CAMK1D: variants seen among roughly 807,000 people sequenced by gnomAD.
CAMK1D encodes the protein calcium/calmodulin dependent protein kinase ID, also known as calcium/calmodulin-dependent protein kinase type 1D.
Under a neutral mutation model 47.7 loss-of-function variants are expected in CAMK1D, and 9 were observed. That is an observed-to-expected ratio of 0.19 (90% CI 0.11 to 0.33). CAMK1D has a LOEUF of 0.33. CAMK1D is among the 10% of genes least tolerant of loss of function. CAMK1D has a pLI of 1.00. For missense variants in CAMK1D, 291 were observed against 488.7 expected, an observed-to-expected ratio of 0.60 and a Z score of 3.81; for synonymous variants, 184 against 184.9, an observed-to-expected ratio of 0.99 and a Z score of 0.04.
intron 2 of CAMK1D, among the ~76,000 whole-genome samples, chr10:12,553,622 C>T (rs1391469626): frequency 6.6e-6 from 1 of 152,226 alleles, no homozygotes; most frequent in African/African-American, 2.4e-5. Context: ...CCCTGCCACT[C>T]ACCATATCCG....
intron 6 of CAMK1D, among the ~76,000 whole-genome samples, chr10:12,791,460 C>T (rs1370194034): frequency 6.6e-6 from 1 of 152,122 alleles, no homozygotes; most frequent in African/African-American, 2.4e-5. Context: ...GAAACTCTAC[C>T]CCTTACATAA....
intron 7 of CAMK1D, 57 bp downstream of exon 7, chr10:12,814,364 C>A: frequency 9.0e-7 from 1 of 1,106,148 alleles, no homozygotes; most frequent in Non-Finnish European, 1.4e-6. Context: ...TACACCCAGA[C>A]CACGTGACCC....
At chr10:12,576,022 A>C (rs1418886648) in intron 2 of CAMK1D, among the ~76,000 whole-genome samples, 1 of 152,246 alleles carries the variant, frequency 6.6e-6, no homozygotes, top group East Asian at 1.9e-4. Context: ...GTAACAATAC[A>C]AATACAAATG....
At chr10:12,773,074 G>A (rs560414561) in intron 5 of CAMK1D, among the ~76,000 whole-genome samples, 4 of 152,250 alleles carry the variant, frequency 2.6e-5, no homozygotes, top group African/African-American at 7.2e-5. Context: ...TTTCTATGAC[G>A]CTTTCCTTGT....
intron 1 of CAMK1D, among the ~76,000 whole-genome samples, chr10:12,406,381 T>C (rs1839424631): frequency 6.6e-6 from 1 of 152,138 alleles, no homozygotes; most frequent in Non-Finnish European, 1.5e-5. Context: ...TACTAGTTAA[T>C]ATCTGGCAAA....
chr10:12,409,938 A>G (rs1564321938), intron 1 of CAMK1D, among the ~76,000 whole-genome samples: 1 of 152,182 alleles, frequency 6.6e-6, no homozygotes, highest in Non-Finnish European at 1.5e-5. Context: ...TACCTCAGAA[A>G]TGGGATCATG....
intron 1 of CAMK1D, among the ~76,000 whole-genome samples, chr10:12,383,980 T>C (rs1838418054): frequency 1.3e-5 from 2 of 152,204 alleles, no homozygotes; most frequent in Admixed American, 6.5e-5. Context: ...TAGATAACTA[T>C]TCCATTTAAT....
intron 2 of CAMK1D, among the ~76,000 whole-genome samples, chr10:12,580,118 C>G (rs1315282781): frequency 2.6e-5 from 4 of 152,126 alleles, no homozygotes. Flanking sequence ...CAGGGCCTTT[C>G]GGCACAGCCA....
intron 1 of CAMK1D, among the ~76,000 whole-genome samples, chr10:12,538,891 A>C (rs1460941458): frequency 6.6e-6 from 1 of 150,724 alleles, no homozygotes; most frequent in African/African-American, 2.4e-5. Context: ...GAGGCAAAAA[A>C]AAAAAAAAAA....
chr10:12,658,297 A>T (rs1303077701), intron 2 of CAMK1D, among the ~76,000 whole-genome samples: 3 of 152,122 alleles, frequency 2.0e-5, no homozygotes, highest in Non-Finnish European at 2.9e-5. Context: ...TGATGAGCAC[A>T]CTCAGAGACG....
At chr10:12,575,316 C>T (rs890455811) in intron 2 of CAMK1D, among the ~76,000 whole-genome samples, 6 of 152,168 alleles carry the variant, frequency 3.9e-5, no homozygotes, top group Non-Finnish European at 8.8e-5. Context: ...TGATCTTGAA[C>T]TCCTGACCTT....
intron 2 of CAMK1D, among the ~76,000 whole-genome samples, chr10:12,568,818 T>A (rs1310823474): frequency 6.6e-6 from 1 of 152,170 alleles, no homozygotes; most frequent in Non-Finnish European, 1.5e-5. Flanking sequence ...ATACAGTGTT[T>A]CCTTATGCAG....
At chr10:12,481,216 C>G (rs1303350616) in intron 1 of CAMK1D, among the ~76,000 whole-genome samples, 2 of 152,132 alleles carry the variant, frequency 1.3e-5, no homozygotes, top group Admixed American at 6.6e-5. Flanking sequence ...GGTGTTAGAA[C>G]CCAAGATGGG....
intron 3 of CAMK1D, among the ~76,000 whole-genome samples, chr10:12,690,403 T>A (rs1016311503): frequency 4.6e-5 from 7 of 152,146 alleles, no homozygotes; most frequent in African/African-American, 1.7e-4. Flanking sequence ...GCACAGCCTG[T>A]AGAAGGGAGG....
intron 5 of CAMK1D, among the ~76,000 whole-genome samples, chr10:12,778,312 G>T (rs967517343): frequency 6.6e-6 from 1 of 152,228 alleles, no homozygotes; most frequent in Non-Finnish European, 1.5e-5. Context: ...GCCTTAGGAG[G>T]AGGCAAGAGG....
chr10:12,740,796 A>G (rs1001108863), intron 3 of CAMK1D, among the ~76,000 whole-genome samples: 1 of 152,164 alleles, frequency 6.6e-6, no homozygotes, highest in African/African-American at 2.4e-5. Context: ...AACACATTCC[A>G]TAGTACTGGG....
intron 5 of CAMK1D, among the ~76,000 whole-genome samples, chr10:12,785,513 C>T (rs1401938473): frequency 1.3e-5 from 2 of 152,156 alleles, no homozygotes; most frequent in Non-Finnish European, 2.9e-5. Context: ...AGGAAGCTCT[C>T]GGGTATCTCC....
At chr10:12,404,573 T>C (rs1892302) in intron 1 of CAMK1D, among the ~76,000 whole-genome samples, 108,392 of 152,064 alleles carry the variant, frequency 0.71, 38,796 homozygotes, top group Admixed American at 0.75. Context: ...TTGTACAGGG[T>C]GATGCTGAGA....
At chr10:12,613,825 G>T (rs1189882632) in intron 2 of CAMK1D, among the ~76,000 whole-genome samples, 1 of 152,156 alleles carries the variant, frequency 6.6e-6, no homozygotes, top group African/African-American at 2.4e-5. Flanking sequence ...CAGAGTTCTG[G>T]GTACGGTTGA....
Sources: allele counts gnomAD v4.1 joint callset (sites outside exome capture counted in the v4.1 genomes callset), GRCh38; gene constraint gnomAD v4.1.1; transcripts MANE v1.5; gene names NCBI Gene and HGNC (gene_info 2026-07-23, HGNC 2026-07-21).